C4BPB: variants seen among roughly 807,000 people sequenced by gnomAD.
C4BPB encodes complement component 4 binding protein beta, also known as C4b-binding protein beta chain.
C4BPB carries 19 observed loss-of-function variants against 26.6 expected under a neutral mutation model. The ratio of observed to expected loss-of-function variants is 0.71; its 90% CI spans 0.50 to 1.05. The LOEUF (loss-of-function observed/expected upper bound fraction) is 1.05, where lower values mean the gene tolerates loss of function less well. Among genes scored for constraint, C4BPB ranks in the 50% least tolerant of loss-of-function variants. The probability of loss-of-function intolerance (pLI) is 0.00; values close to 1 mark genes in which losing one functional copy is unlikely to be tolerated. For synonymous variants in C4BPB, 118 were observed against 103.5 expected (o/e 1.14, Z -0.85); for missense variants, 282 against 302.9 (o/e 0.93, Z 0.51).
intron 4 of C4BPB, chr1:207,096,235 T>G (rs2102312834): frequency 2.7e-6 from 1 of 368,492 alleles, no homozygotes; most frequent in East Asian, 6.7e-5. Context: ...ACTTAAAATT[T>G]CTTTCCTTGA....
At chr1:207,092,158 A>G (rs915923576) in intron 4 of C4BPB, among the ~76,000 whole-genome samples, 3 of 152,218 alleles carry the variant, frequency 2.0e-5, no homozygotes, top group African/African-American at 7.2e-5. Flanking sequence ...ACAAAACGGG[A>G]AAAAGATCAT....
intron 2 of C4BPB, among the ~76,000 whole-genome samples, 182 bp from the exon 3 acceptor site, chr1:207,090,126 C>T (rs954776859): frequency 2.0e-5 from 3 of 152,122 alleles, no homozygotes; most frequent in African/African-American, 7.2e-5. Context: ...AAAAAATTAG[C>T]TGGGCGTGGT....
intron 5 of C4BPB, among the ~76,000 whole-genome samples, chr1:207,097,032 G>A (rs537625219): frequency 6.6e-6 from 1 of 152,220 alleles, no homozygotes; most frequent in African/African-American, 2.4e-5. Flanking sequence ...AATTAGCTGG[G>A]CGTGGTGGCA....
chr1:207,096,387 G>C, intron 4 of C4BPB, 135 bp from the exon 5 acceptor site: 1 of 687,848 alleles, frequency 1.5e-6, no homozygotes, highest in Non-Finnish European at 2.7e-6. Context: ...AGGTGTTGCT[G>C]TGAGGATGTC....
chr1:207,098,102 C>T, intron 5 of C4BPB, 48 bp from the exon 6 acceptor site: 1 of 1,438,388 alleles, frequency 7.0e-7, no homozygotes, highest in Non-Finnish European at 9.8e-7. Context: ...TCTCCATTAC[C>T]CAATTCAGAA....
At chr1:207,099,434 G>C (rs1027203572) in intron 6 of C4BPB, among the ~76,000 whole-genome samples, 1 of 152,170 alleles carries the variant, frequency 6.6e-6, no homozygotes, top group African/African-American at 2.4e-5. Flanking sequence ...GTACCGGTCT[G>C]TGGCCCTGGG....
At chr1:207,089,721 A>G (rs2102301286) in intron 2 of C4BPB, 132 bp downstream of exon 2, 1 of 735,876 alleles carries the variant, frequency 1.4e-6, no homozygotes, top group Non-Finnish European at 2.3e-6. Context: ...AAAATCTCAA[A>G]TTGGCCTAAT....
chr1:207,098,272 G>C lies in C4BPB; in HGVS notation c.618+8G>C. Reference sequence around the variant, plus strand: ...GAGTGTGAGAAGGCACTTGTAAGTAGGAGGCTCATATCTGTCTTGTTCACA... The same window carrying C: ...GAGTGTGAGAAGGCACTTGTAAGTACGAGGCTCATATCTGTCTTGTTCACA... On this transcript the variant is annotated splice_region_variant and intron_variant, in intron 6 of 6. Coordinates refer to ENST00000367078, the MANE Select transcript of C4BPB (RefSeq NM_001017365.3). 6.6e-7 allele frequency: 1 copy of C among 1,513,902 alleles called. No individual in the cohort carries two copies. The highest frequency in any genetic ancestry group is 1.1e-5 in the South Asian group (1 of 89,008). 93.8% of individuals were successfully genotyped at this position (1,513,902 alleles called of 1,614,324 possible). A position where few individuals can be genotyped will look rare whatever the true frequency, so the allele number is the denominator to read the frequency against.
At chr1:207,093,987 G>A (rs1016487237) in intron 4 of C4BPB, among the ~76,000 whole-genome samples, 2 of 152,158 alleles carry the variant, frequency 1.3e-5, no homozygotes, top group African/African-American at 2.4e-5. Flanking sequence ...CTGATTATAT[G>A]AAAGGATATT....
intron 5 of C4BPB, chr1:207,097,923 G>T: frequency 2.3e-6 from 1 of 425,992 alleles, no homozygotes; most frequent in Non-Finnish European, 4.2e-6. Flanking sequence ...ACTTCTCTAT[G>T]TTTTATGGGT....
At position 207,099,891 on chromosome 1, in the gene C4BPB, G is replaced by C; in HGVS notation, c.721G>C (p.Glu241Gln). Reference protein sequence around the residue: ...MTMEELKYSLELKKAELKAKL... With the variant: ...MTMEELKYSLQLKKAELKAKL... ...AATGGAGGAGCTAAAATATTCTCTG[G>C]AGCTGAAGAAAGCTGAGTTGAAGGC... The change falls in exon 7 of 7, where the codon GAG (glutamate) becomes CAG (glutamine). Residue 241 changes from glutamate to glutamine, a missense_variant. Transcript: ENST00000367078. The C allele has an allele frequency of 3.1e-6, 5 of 1,613,668 alleles. No individual in the cohort carries two copies. Among genetic ancestry groups the C allele is most frequent in the Non-Finnish European group, 4.2e-6 (5 of 1,179,750 alleles).
intron 3 of C4BPB, among the ~76,000 whole-genome samples, chr1:207,091,370 C>A (rs61815045): frequency 6.6e-6 from 1 of 152,190 alleles, no homozygotes. Context: ...AATAAACATA[C>A]GATTGGTAAC....
chr1:207,095,058 T>A (rs1248742923), intron 4 of C4BPB: 1 of 261,144 alleles, frequency 3.8e-6, no homozygotes, highest in Non-Finnish European at 7.5e-6. Context: ...TATGTTTCAG[T>A]AAATATACAC....
At position 207,089,469 on chromosome 1, in the gene C4BPB, T is replaced by C. The variant is rs1269278035; in HGVS notation, c.-50-13T>C. On this transcript the variant is annotated splice_polypyrimidine_tract_variant and intron_variant, in intron 1 of 6. Transcript: ENST00000367078. ...TTAAGCAGTGTTAGAAGATCTATTT[T>C]TTTTCAAACCAGGTGTCTGAGCTGG... is the stretch of plus-strand genomic sequence containing the variant. The C allele has an allele frequency of 2.7e-6, 4 of 1,476,854 alleles. No homozygotes were observed. The highest frequency in any genetic ancestry group is 3.8e-6 in the Non-Finnish European group (4 of 1,055,376). 91.5% of individuals were successfully genotyped at this position (1,476,854 alleles called of 1,614,324 possible). A position where few individuals can be genotyped will look rare whatever the true frequency, so the allele number is the denominator to read the frequency against.
intron 4 of C4BPB, chr1:207,096,180 G>T: frequency 1.0e-5 from 3 of 288,114 alleles, no homozygotes; most frequent in Admixed American, 4.9e-5. Context: ...TTCACCTATG[G>T]CCCAATTTTT....
At chr1:207,089,173 A>C in intron 1 of C4BPB, 1 of 244,016 alleles carries the variant, frequency 4.1e-6, no homozygotes, top group East Asian at 9.7e-5. Flanking sequence ...TGGCAAGACC[A>C]TTTGGCCCAT....
intron 3 of C4BPB, among the ~76,000 whole-genome samples, chr1:207,090,938 A>G (rs1180913713): frequency 2.0e-5 from 3 of 152,168 alleles, no homozygotes; most frequent in Non-Finnish European, 4.4e-5. Flanking sequence ...AGTGCATTGT[A>G]TCATTTTATT....
chr1:207,096,606 G>C lies in C4BPB; in HGVS notation c.494G>C (p.Cys165Ser). ...FTLGSTISYYCEDRYYLVGVQ... is the reference protein window; with the variant it reads ...FTLGSTISYYSEDRYYLVGVQ... Reference sequence around the variant, plus strand: ...TTAGGATCCACCATTAGTTATTACTGTGAAGACAGGTAAGTGAACACAGCC... The same window carrying C: ...TTAGGATCCACCATTAGTTATTACTCTGAAGACAGGTAAGTGAACACAGCC... The change falls in exon 5 of 7, where the codon TGT becomes TCT. Residue 165 changes from cysteine to serine, a missense_variant. Physicochemically the swap from Cys to Ser is moderately radical, Grantham distance 112 (BLOSUM62 -1). Transcript: ENST00000367078. The C allele has an allele frequency of 1.3e-6, 2 of 1,575,996 alleles. No homozygotes were observed. Among genetic ancestry groups the C allele is most frequent in the Non-Finnish European group, 1.7e-6 (2 of 1,150,730 alleles).
In C4BPB at chr1:207,099,869, G is replaced by T; in HGVS notation, c.699G>T (p.Met233Ile). Residue 233 changes from methionine to isoleucine, a missense_variant, in exon 7 of 7, where the codon ATG becomes ATT. By Grantham distance (10) the Met-to-Ile change is conservative (BLOSUM62 1). Transcript: ENST00000367078. ...AATTAAAGGAAAGTGGCATGACAAT[G>T]GAGGAGCTAAAATATTCTCTGGAGC... is the stretch of plus-strand genomic sequence containing the variant. Reference protein sequence around the residue: ...MQQLKESGMTMEELKYSLELK... With the variant: ...MQQLKESGMTIEELKYSLELK... 1 of 1,613,928 alleles carries T rather than the reference G, an allele frequency of 6.2e-7. No individual in the cohort carries two copies. The highest frequency in any genetic ancestry group is 8.5e-7 in the Non-Finnish European group (1 of 1,179,830).
Sources: gnomAD v4.1 joint callset for allele counts (sites outside exome capture counted in the v4.1 genomes callset) on GRCh38, gnomAD v4.1.1 for gene constraint, MANE v1.5 for transcripts, NCBI Gene and HGNC (gene_info 2026-07-23, HGNC 2026-07-21) for gene names.